Variants in OTUD7B observed in about 807,000 individuals in gnomAD.
OTUD7B encodes the protein OTU domain-containing protein 7B.
OTUD7B carries 34 observed loss-of-function variants against 82.2 expected under a neutral mutation model. That is an observed-to-expected ratio of 0.41 (90% confidence interval 0.31 to 0.55). The LOEUF (loss-of-function observed/expected upper bound fraction) is 0.55, where lower values mean the gene tolerates loss of function less well. OTUD7B is among the 20% of genes least tolerant of loss of function. OTUD7B has a pLI of 0.20. For missense variants in OTUD7B, 944 were observed against 1,062.1 expected (o/e 0.89, Z 1.55); for synonymous variants, 398 against 402.7 (o/e 0.99, Z 0.14).
Position 149,986,953 on chromosome 1 carries a change from A to G in OTUD7B, c.-66-9377T>C, listed in dbSNP as rs1033983722. On this transcript the variant is annotated intron_variant, in intron 1 of 11. Coordinates refer to ENST00000581312, the MANE Select transcript of OTUD7B (RefSeq NM_020205.4). ...TATCTGTGGATCTAGTCCTGAATCC[A>G]GACCAATCCTACTCTAAAGGGATCT... Among the ~76,000 whole-genome samples, 3 of 152,204 alleles carry G rather than the reference A, an allele frequency of 2.0e-5. No homozygotes were observed. The East Asian group carries it at 5.8e-4, about 29-fold the overall frequency.
At chr1:149,984,824 C>A (rs1651023710) in intron 1 of OTUD7B, among the ~76,000 whole-genome samples, 1 of 152,176 alleles carries the variant, frequency 6.6e-6, no homozygotes, top group Non-Finnish European at 1.5e-5. Flanking sequence ...TTCTCTCTTG[C>A]CTTATCCACA....
At chr1:149,972,104 A>G (rs1260326067) in intron 2 of OTUD7B, among the ~76,000 whole-genome samples, 1 of 152,106 alleles carries the variant, frequency 6.6e-6, no homozygotes, top group Non-Finnish European at 1.5e-5. Flanking sequence ...CTTGATACTC[A>G]AGGCTTTGTA....
chr1:150,042,319 C>CCCA, the OTUD7B span, among the ~76,000 whole-genome samples: 3 of 151,328 alleles, frequency 2.0e-5, no homozygotes, highest in African/African-American at 7.3e-5. Flanking sequence ...ATTACAGGCG[C>CCCA]CCACCACCAC....
At chr1:150,019,352 CTTTG>C in the OTUD7B span, among the ~76,000 whole-genome samples, 3 of 151,632 alleles carry the variant, frequency 2.0e-5, no homozygotes, top group Admixed American at 6.6e-5. Flanking sequence ...CCCCAATTGT[CTTTG>C]TTTTGTTTGT....
At chr1:150,063,789 A>G in the OTUD7B span, among the ~76,000 whole-genome samples, 2 of 152,258 alleles carry the variant, frequency 1.3e-5, no homozygotes. Context: ...CATAAAGCTC[A>G]GCACATCACA....
At chr1:150,065,285 G>C in the OTUD7B span, among the ~76,000 whole-genome samples, 1 of 152,124 alleles carries the variant, frequency 6.6e-6, no homozygotes, top group African/African-American at 2.4e-5. Flanking sequence ...TATTGTCTAA[G>C]CTGGTCTTGA....
intron 8 of OTUD7B, 41 bp downstream of exon 8, chr1:149,950,053 G>C (rs1553772980): frequency 1.2e-6 from 2 of 1,610,974 alleles, no homozygotes; most frequent in African/African-American, 1.3e-5. Context: ...TTTGCAAAAG[G>C]GGGTGCTCAG....
chr1:149,946,117 G>T (rs1367498959), intron 11 of OTUD7B, among the ~76,000 whole-genome samples: 1 of 150,704 alleles, frequency 6.6e-6, no homozygotes, highest in Non-Finnish European at 1.5e-5. Flanking sequence ...GGTGGCTCAC[G>T]CCTGTAATCC....
chr1:150,014,323 C>T (rs923023647), upstream of OTUD7B, among the ~76,000 whole-genome samples: 20 of 146,560 alleles, frequency 1.4e-4, no homozygotes, highest in Admixed American at 6.9e-5. Flanking sequence ...TCACTTGAGT[C>T]TGGGAGATCG....
At chr1:149,954,244 T>G (rs939387027) in intron 7 of OTUD7B, among the ~76,000 whole-genome samples, 1 of 152,010 alleles carries the variant, frequency 6.6e-6, no homozygotes, top group African/African-American at 2.4e-5. Context: ...TTATTGAGAG[T>G]TTTTAGCATG....
chr1:149,990,021 T>C (rs1651453428), intron 1 of OTUD7B, among the ~76,000 whole-genome samples: 2 of 152,238 alleles, frequency 1.3e-5, no homozygotes, highest in Admixed American at 6.5e-5. Flanking sequence ...AACTCTCCAA[T>C]CTGACTATCA....
upstream of OTUD7B, among the ~76,000 whole-genome samples, chr1:150,013,471 A>G (rs1426772307): frequency 1.3e-5 from 2 of 152,142 alleles, no homozygotes; most frequent in Admixed American, 1.3e-4. Context: ...AAGAAAACCA[A>G]ACCAAAATAA....
chr1:150,061,534 T>C, the OTUD7B span, among the ~76,000 whole-genome samples: 1 of 152,194 alleles, frequency 6.6e-6, no homozygotes, highest in Non-Finnish European at 1.5e-5. Flanking sequence ...CTCACATACA[T>C]GTGAGAGTTC....
chr1:149,966,876 G>A (rs1553776641), intron 4 of OTUD7B, among the ~76,000 whole-genome samples: 1 of 152,066 alleles, frequency 6.6e-6, no homozygotes, highest in Non-Finnish European at 1.5e-5. Context: ...CTCACCCTAT[G>A]ATAAGAATTA....
At chr1:149,967,595 T>C (rs147421663) in intron 3 of OTUD7B, 74 bp from the exon 4 acceptor site, 4 of 1,139,356 alleles carry the variant, frequency 3.5e-6, no homozygotes, top group Non-Finnish European at 5.0e-6. Flanking sequence ...GTGGTGATAG[T>C]TACCTCTCAA....
intron 9 of OTUD7B, among the ~76,000 whole-genome samples, chr1:149,949,354 A>G (rs1648007977): frequency 6.6e-6 from 1 of 152,254 alleles, no homozygotes; most frequent in South Asian, 2.1e-4. Context: ...CAGAGAATTC[A>G]GTCATAATTT....
At chr1:149,972,243 A>G (rs587769938) in intron 2 of OTUD7B, among the ~76,000 whole-genome samples, 1 of 152,334 alleles carries the variant, frequency 6.6e-6, no homozygotes, top group South Asian at 2.1e-4. Flanking sequence ...AGCACTTAGA[A>G]TAGTGGTTGG....
At position 149,943,670 on chromosome 1, in the gene OTUD7B, C is replaced by T; in HGVS notation, c.*187G>A. 2 of 627,170 alleles carry T rather than the reference C, an allele frequency of 3.2e-6. No homozygotes were observed. Among genetic ancestry groups the T allele is most frequent in the Middle Eastern group, 4.4e-4 (1 of 2,286 alleles). 38.9% of individuals were successfully genotyped at this position (627,170 alleles called of 1,614,324 possible). A position where few individuals can be genotyped will look rare whatever the true frequency, so the allele number is the denominator to read the frequency against. ...GAGGAATAGTACAGCCCCTGAGGTGCCATCCAGCCCCGACCTGCTCTTGCC... is the reference window on the plus strand; with the variant it reads ...GAGGAATAGTACAGCCCCTGAGGTGTCATCCAGCCCCGACCTGCTCTTGCC... On this transcript the variant is annotated 3_prime_UTR_variant, in exon 12 of 12. Transcript: ENST00000581312.
intron 2 of OTUD7B, among the ~76,000 whole-genome samples, chr1:149,977,130 TAAATA>T (rs1166656613): frequency 7.9e-5 from 12 of 151,734 alleles, no homozygotes; most frequent in South Asian, 2.1e-4. Context: ...CAAAAATAAA[TAAATA>T]AAATAAAATA....
Sources: allele counts gnomAD v4.1 joint callset (sites outside exome capture counted in the v4.1 genomes callset), GRCh38; gene constraint gnomAD v4.1.1; transcripts MANE v1.5; gene names NCBI Gene and HGNC (gene_info 2026-07-23, HGNC 2026-07-21).